JAK2: variants seen among roughly 807,000 people sequenced by gnomAD.
JAK2 encodes tyrosine-protein kinase JAK2.
In JAK2, 86 loss-of-function variants were observed where a neutral mutation model predicts 139.3. The ratio of observed to expected loss-of-function variants is 0.62; its 90% CI spans 0.52 to 0.74. JAK2 has a LOEUF of 0.74. JAK2 is among the 30% of genes least tolerant of loss of function. The probability of loss-of-function intolerance (pLI) is 0.00; values close to 1 mark genes in which losing one functional copy is unlikely to be tolerated. For missense variants in JAK2, 1,421 were observed against 1,360.3 expected, an observed-to-expected ratio of 1.04 and a Z score of -0.70; for synonymous variants, 490 against 437.7, an observed-to-expected ratio of 1.12 and a Z score of -1.49.
chr9:5,126,554 A>G, intron 24 of JAK2, 108 bp downstream of exon 24: 1 of 934,550 alleles, frequency 1.1e-6, no homozygotes, highest in Non-Finnish European at 1.7e-6. Flanking sequence ...CCAGATAAAC[A>G]GCATAATCAG....
chr9:5,078,261 A>G, intron 15 of JAK2, 45 bp from the exon 16 acceptor site: 2 of 1,527,742 alleles, frequency 1.3e-6, no homozygotes, highest in Non-Finnish European at 1.8e-6. Flanking sequence ...ATGCTCCAGT[A>G]CTTGTGGACT....
At chr9:5,108,827 C>T (rs1366230792) in intron 22 of JAK2, 1 of 152,172 alleles carries the variant, frequency 6.6e-6, no homozygotes, top group Non-Finnish European at 1.5e-5. Context: ...CTCTCCTAAT[C>T]CAAACCCCTT....
At chr9:5,004,462 G>T (rs1191780643) in intron 2 of JAK2, among the ~76,000 whole-genome samples, 1 of 152,096 alleles carries the variant, frequency 6.6e-6, no homozygotes, top group African/African-American at 2.4e-5. Context: ...TAAATGACAA[G>T]ATTTTCTTCT....
At chr9:5,028,621 C>G (rs1369612076) in intron 3 of JAK2, among the ~76,000 whole-genome samples, 1 of 152,234 alleles carries the variant, frequency 6.6e-6, no homozygotes, top group Non-Finnish European at 1.5e-5. Flanking sequence ...TTTGTCTACA[C>G]TGAAAATCTA....
At chr9:4,991,779 A>G (rs981132671) in intron 2 of JAK2, among the ~76,000 whole-genome samples, 6 of 140,590 alleles carry the variant, frequency 4.3e-5, no homozygotes, top group African/African-American at 1.6e-4. Flanking sequence ...CACCTTTATA[A>G]TGAATGAATT....
At chr9:4,988,076 C>G (rs959169659) in intron 2 of JAK2, among the ~76,000 whole-genome samples, 3 of 152,090 alleles carry the variant, frequency 2.0e-5, no homozygotes, top group African/African-American at 7.2e-5. Flanking sequence ...ATTGTGTTGC[C>G]CCTACCAATT....
rs148660222 is a variant in JAK2 at position 5,058,903 on chromosome 9, G to T, written c.1056+3115G>T. Among the ~76,000 whole-genome samples, 31 of 152,066 alleles carry T rather than the reference G, an allele frequency of 2.0e-4. No individual in the cohort carries two copies. The East Asian group carries it at 4.1e-3, about 20-fold the overall frequency. On this transcript the variant is annotated intron_variant, in intron 8 of 24. Transcript: ENST00000381652. ...ATCAGGTTTTTTTTGCTGAATTATA[G>T]AAATTATTTATGTATTCTGGATATT...
intron 20 of JAK2, 137 bp downstream of exon 20, chr9:5,090,000 T>G: frequency 2.1e-6 from 1 of 484,828 alleles, no homozygotes; most frequent in Non-Finnish European, 3.4e-6. Context: ...GACTAGAGAT[T>G]GTGTTTGGTG....
chr9:5,122,109 G>T (rs2130849960), intron 22 of JAK2, among the ~76,000 whole-genome samples: 1 of 152,214 alleles, frequency 6.6e-6, no homozygotes, highest in South Asian at 2.1e-4. Context: ...GAGTAGGCAG[G>T]GAAGGATTTG....
chr9:5,085,492 T>C (rs1334696164), intron 19 of JAK2: 1 of 722,674 alleles, frequency 1.4e-6, no homozygotes, highest in African/African-American at 1.7e-5. Context: ...CTCATTTTCT[T>C]TTGACCCGAG....
intron 4 of JAK2, among the ~76,000 whole-genome samples, chr9:5,038,126 TTTC>T (rs2130251970): frequency 6.6e-6 from 1 of 152,314 alleles, no homozygotes; most frequent in Non-Finnish European, 1.5e-5. Flanking sequence ...TTGTTAAATA[TTTC>T]TTCATGTACA....
chr9:5,078,545 T>C (rs1008737959), intron 16 of JAK2, 101 bp downstream of exon 16: 3 of 810,392 alleles, frequency 3.7e-6, no homozygotes, highest in Non-Finnish European at 5.8e-6. Flanking sequence ...TTAATTTGTA[T>C]GTTCCTGATT....
At chr9:5,072,659 T>G (rs1430207386) in intron 13 of JAK2, 33 bp downstream of exon 13, 1 of 1,509,328 alleles carries the variant, frequency 6.6e-7, no homozygotes, top group Non-Finnish European at 8.9e-7. Flanking sequence ...TCATGTAGTT[T>G]ATGCTGTTTA....
chr9:5,094,936 G>A (rs1820871037), intron 22 of JAK2: 1 of 152,038 alleles, frequency 6.6e-6, no homozygotes, highest in African/African-American at 2.4e-5. Flanking sequence ...TACCTTTTAT[G>A]AAAAAATTTC....
chr9:5,116,143 TAAC>T (rs1324949996), intron 22 of JAK2, among the ~76,000 whole-genome samples: 3 of 152,218 alleles, frequency 2.0e-5, no homozygotes, highest in African/African-American at 7.2e-5. Context: ...TTAATCCTCA[TAAC>T]AACCCTTGGA....
intron 3 of JAK2, among the ~76,000 whole-genome samples, chr9:5,023,046 A>T (rs1390218596): frequency 1.3e-5 from 2 of 152,232 alleles, no homozygotes; most frequent in Non-Finnish European, 2.9e-5. Context: ...CTATTTTGAA[A>T]AATACAATAC....
chr9:5,055,604 A>T, intron 7 of JAK2, 65 bp from the exon 8 acceptor site: 1 of 1,259,012 alleles, frequency 7.9e-7, no homozygotes, highest in Non-Finnish European at 1.1e-6. Flanking sequence ...TGTCTTCTTA[A>T]GTCTTGTTTT....
At chr9:5,020,627 G>A (rs1444202450) in intron 2 of JAK2, among the ~76,000 whole-genome samples, 1 of 152,168 alleles carries the variant, frequency 6.6e-6, no homozygotes, top group African/African-American at 2.4e-5. Flanking sequence ...TACTCAGGGT[G>A]CATGCAAATT....
intron 14 of JAK2, among the ~76,000 whole-genome samples, chr9:5,075,855 GA>G (rs1375337314): frequency 1.3e-5 from 2 of 152,134 alleles, no homozygotes; most frequent in African/African-American, 4.8e-5. Context: ...AAAGTAAGTA[GA>G]AAAACTTATG....
Sources: allele counts gnomAD v4.1 joint callset (sites outside exome capture counted in the v4.1 genomes callset), GRCh38; gene constraint gnomAD v4.1.1; transcripts MANE v1.5; gene names NCBI Gene and HGNC (gene_info 2026-07-23, HGNC 2026-07-21).